The following CSMD1 variants were observed in gnomAD, a reference collection of about 807,000 sequenced individuals.
The protein encoded by CSMD1 is CUB and Sushi multiple domains 1.
Under a neutral mutation model 417.5 loss-of-function variants are expected in CSMD1, and 213 were observed. The ratio of observed to expected loss-of-function variants is 0.51; its 90% confidence interval spans 0.46 to 0.57. The LOEUF (loss-of-function observed/expected upper bound fraction) is 0.57. CSMD1 is among the 20% of genes least tolerant of loss of function. The pLI is 0.00. For synonymous variants in CSMD1, 2,862 were observed against 1,736.8 expected (o/e 1.65, Z -16.11); for missense variants, 6,923 against 4,529.7 (o/e 1.53, Z -15.17).
intron 55 of CSMD1, among the ~76,000 whole-genome samples, chr8:2,977,874 G>T (rs1420138770): frequency 6.6e-6 from 1 of 152,112 alleles, no homozygotes; most frequent in South Asian, 2.1e-4. Flanking sequence ...ACTACAATGA[G>T]ATACCATCTC....
At chr8:4,878,913 G>T (rs563432373) in intron 1 of CSMD1, among the ~76,000 whole-genome samples, 1 of 151,276 alleles carries the variant, frequency 6.6e-6, no homozygotes, top group African/African-American at 2.4e-5. Context: ...CAGAGAGAAC[G>T]ACAAGGTGAA....
At position 4,534,357 on chromosome 8, in the gene CSMD1, A is replaced by G. The variant is rs140527859; in HGVS notation, c.302+102985T>C. On this transcript the variant is annotated intron_variant, in intron 2 of 69. Transcript: ENST00000635120. ...TTACTTTGAAGCAATTTTTGCTATA[A>G]ACCTCTGCCTTTGCATGGATGGTTT... 2.1e-4 allele frequency among the ~76,000 whole-genome samples: 32 copies of G among 152,334 alleles called. No individual in the cohort carries two copies. In the East Asian group the frequency reaches 6.2e-3, roughly 29 times the overall value.
rs71521859 is a variant in CSMD1 at position 3,442,190 on chromosome 8, T to G, written c.1561+26522A>C. ...AATGTTATAGCAAAACAATAAAAAATTTTAAAAAATGAAAAGGTTTATAAA... is the reference window on the plus strand; with the variant it reads ...AATGTTATAGCAAAACAATAAAAAAGTTTAAAAAATGAAAAGGTTTATAAA... On this transcript the variant is annotated intron_variant, in intron 12 of 69. Transcript: ENST00000635120. Among the ~76,000 whole-genome samples the G allele has an allele frequency of 7.3e-3, 1,097 of 150,806 alleles. 9 individuals are homozygous for G. The highest frequency in any genetic ancestry group is 0.012 in the Non-Finnish European group (796 of 67,618).
intron 23 of CSMD1, among the ~76,000 whole-genome samples, chr8:3,313,865 C>T (rs60199712): frequency 1.3e-5 from 2 of 152,102 alleles, no homozygotes; most frequent in African/African-American, 2.4e-5. Context: ...GATTTGGAAC[C>T]AACCCAAATG....
chr8:4,925,598 G>A (rs572159891), intron 1 of CSMD1, among the ~76,000 whole-genome samples: 2 of 150,772 alleles, frequency 1.3e-5, no homozygotes, highest in African/African-American at 2.4e-5. Flanking sequence ...CCAGGCTGGA[G>A]TGCAGTGGTG....
At chr8:4,175,808 G>T (rs1465712801) in intron 3 of CSMD1, among the ~76,000 whole-genome samples, 4 of 152,100 alleles carry the variant, frequency 2.6e-5, no homozygotes, top group African/African-American at 7.2e-5. Context: ...CAATACAACA[G>T]CATATATAAA....
intron 3 of CSMD1, among the ~76,000 whole-genome samples, chr8:4,097,739 A>T (rs1409623216): frequency 1.3e-5 from 2 of 152,222 alleles, no homozygotes; most frequent in East Asian, 3.8e-4. Flanking sequence ...TTAAAAAACA[A>T]ATTCAGTGTA....
chr8:4,033,108 T>A (rs1797434823), intron 3 of CSMD1, among the ~76,000 whole-genome samples: 1 of 128,526 alleles, frequency 7.8e-6, no homozygotes, highest in Non-Finnish European at 1.6e-5. Context: ...ATAACTTAAC[T>A]CTTGCAATTA....
At chr8:4,770,275 T>C (rs1796533729) in intron 1 of CSMD1, among the ~76,000 whole-genome samples, 1 of 148,196 alleles carries the variant, frequency 6.7e-6, no homozygotes, top group Non-Finnish European at 1.5e-5. Flanking sequence ...AATTTGTAAA[T>C]ATATATGTGT....
At chr8:4,502,567 A>C (rs1397306137) in intron 2 of CSMD1, among the ~76,000 whole-genome samples, 1 of 152,178 alleles carries the variant, frequency 6.6e-6, no homozygotes, top group African/African-American at 2.4e-5. Context: ...TATTTCAGAC[A>C]AAAAACTTGT....
At chr8:3,395,755 C>T (rs900682488) in intron 17 of CSMD1, among the ~76,000 whole-genome samples, 1 of 152,160 alleles carries the variant, frequency 6.6e-6, no homozygotes, top group African/African-American at 2.4e-5. Flanking sequence ...TGAAACGTGT[C>T]TATCTATACT....
intron 1 of CSMD1, among the ~76,000 whole-genome samples, chr8:4,690,530 C>G (rs531535325): frequency 6.6e-6 from 1 of 152,244 alleles, no homozygotes; most frequent in East Asian, 1.9e-4. Flanking sequence ...CCTGGAAAAT[C>G]TATCTGTCAT....
intron 1 of CSMD1, among the ~76,000 whole-genome samples, chr8:4,638,883 T>G (rs1803019676): frequency 6.6e-6 from 1 of 152,190 alleles, no homozygotes; most frequent in Non-Finnish European, 1.5e-5. Context: ...CTGAAGATTT[T>G]GTGTTATTGA....
chr8:4,077,299 A>ATATATATATATATATATATATATGTG (rs1799876237), intron 3 of CSMD1, among the ~76,000 whole-genome samples: 3 of 66,108 alleles, frequency 4.5e-5, no homozygotes, highest in Non-Finnish European at 8.1e-5. Context: ...ATATATGTGT[A>ATATATATATATATATATATATATGTG]TATATATATA....
chr8:4,799,423 C>T (rs1258523526), intron 1 of CSMD1, among the ~76,000 whole-genome samples: 1 of 151,088 alleles, frequency 6.6e-6, no homozygotes, highest in Non-Finnish European at 1.5e-5. Context: ...ATGGCAAAAC[C>T]CCCTCTCTAC....
chr8:4,237,666 C>G (rs535654892), intron 3 of CSMD1, among the ~76,000 whole-genome samples: 9 of 152,210 alleles, frequency 5.9e-5, no homozygotes, highest in East Asian at 1.9e-4. Context: ...GAGGTGTGCA[C>G]CACCATGCCC....
chr8:3,017,806 T>TAAAAAAAA (rs777717027), intron 52 of CSMD1, among the ~76,000 whole-genome samples: 3 of 76,482 alleles, frequency 3.9e-5, no homozygotes, highest in South Asian at 4.4e-4. Flanking sequence ...TTGAGTGATT[T>TAAAAAAAA]AAAAAAAAAA....
chr8:4,829,170 C>G (rs1260922179), intron 1 of CSMD1, among the ~76,000 whole-genome samples: 4 of 152,180 alleles, frequency 2.6e-5, no homozygotes, highest in African/African-American at 9.7e-5. Flanking sequence ...ATTCCACAGC[C>G]AATGTAATTT....
chr8:4,888,533 T>C (rs570825852), intron 1 of CSMD1, among the ~76,000 whole-genome samples: 32 of 151,968 alleles, frequency 2.1e-4, no homozygotes, highest in African/African-American at 7.5e-4. Flanking sequence ...GAGAGAGGTA[T>C]GTGTGTGTTT....
Sources: gnomAD v4.1 joint callset for allele counts (sites outside exome capture counted in the v4.1 genomes callset) on GRCh38, gnomAD v4.1.1 for gene constraint, MANE v1.5 for transcripts, NCBI Gene and HGNC (gene_info 2026-07-23, HGNC 2026-07-21) for gene names.